MSN: variants seen among roughly 807,000 people sequenced by gnomAD.
MSN encodes moesin, also known as epididymis luminal protein 70.
A neutral mutation model predicts 48.0 loss-of-function variants in MSN; 2 were observed. The observed-to-expected ratio is 0.04, with a 90% confidence interval of 0.02 to 0.13. MSN has a LOEUF of 0.13. MSN is among the 10% of genes least tolerant of loss of function. The probability of loss-of-function intolerance (pLI) is 1.00; values close to 1 mark genes in which losing one functional copy is unlikely to be tolerated. For missense variants in MSN, 267 were observed against 470.1 expected, an observed-to-expected ratio of 0.57 and a Z score of 3.99; for synonymous variants, 146 against 166.9, an observed-to-expected ratio of 0.87 and a Z score of 0.97.
chrX:65,600,197 CT>C (rs2070222979), intron 1 of MSN, among the ~76,000 whole-genome samples: 1 of 111,269 alleles, frequency 9.0e-6, no homozygotes, highest in African/African-American at 3.3e-5. Context: ...AGGTAGCTGT[CT>C]TTTCCTAGCT....
chrX:65,725,104 C>T (rs2071555526), intron 2 of MSN, among the ~76,000 whole-genome samples: 1 of 112,510 alleles, frequency 8.9e-6, no homozygotes, highest in African/African-American at 3.2e-5. Flanking sequence ...AGCACCTGCT[C>T]AGCCTCTGGT....
At chrX:65,624,478 A>T (rs2070484772) in intron 1 of MSN, among the ~76,000 whole-genome samples, 1 of 109,487 alleles carries the variant, frequency 9.1e-6, no homozygotes, top group Non-Finnish European at 1.9e-5. Context: ...GGTTTCATTC[A>T]TTCTTTCTAC....
At chrX:65,738,476 C>T in intron 10 of MSN, 49 bp from the exon 11 acceptor site, 10 of 1,126,785 alleles carry the variant, frequency 8.9e-6, no homozygotes, top group Non-Finnish European at 1.2e-5. Context: ...ACACCTGGGT[C>T]CTGAGGACCA....
At chrX:65,617,311 AT>A (rs972531248) in intron 1 of MSN, among the ~76,000 whole-genome samples, 1 of 111,101 alleles carries the variant, frequency 9.0e-6, no homozygotes, top group African/African-American at 3.3e-5. Context: ...CTCTGGTAGA[AT>A]TCGCCTGTGA....
intron 1 of MSN, among the ~76,000 whole-genome samples, chrX:65,630,955 G>C (rs1371908176): frequency 9.0e-6 from 1 of 111,261 alleles, no homozygotes; most frequent in Non-Finnish European, 1.9e-5. Context: ...ATAAAATCTT[G>C]CATAACTATT....
At chrX:65,699,478 G>C (rs1045822820) in intron 1 of MSN, among the ~76,000 whole-genome samples, 3 of 112,052 alleles carry the variant, frequency 2.7e-5, no homozygotes, top group African/African-American at 9.7e-5. Context: ...AGCCAGGAGC[G>C]GTGGCTCACG....
At chrX:65,659,366 C>T (rs111274011) in intron 1 of MSN, among the ~76,000 whole-genome samples, 18,763 of 110,743 alleles carry the variant, frequency 0.17, 3,969 homozygotes, top group African/African-American at 0.59. Context: ...TTTGGCCAGG[C>T]TGGTCTCAAA....
rs182319207 is a variant in MSN, at chrX:65,644,720, A to T, written c.-22+56108A>T. On this transcript the variant is annotated intron_variant, in intron 1 of 3. Coordinates refer to the MSN transcript ENST00000609672. ...GTTCTCCTGGTAAGTGGGGGAAGCCATTAGGGGAATGACATTCTAGGCAGT... is the reference window on the plus strand; with the variant it reads ...GTTCTCCTGGTAAGTGGGGGAAGCCTTTAGGGGAATGACATTCTAGGCAGT... Among the ~76,000 whole-genome samples the T allele has an allele frequency of 2.4e-3, 265 of 111,457 alleles. 1 individual carries two copies. The highest frequency in any genetic ancestry group is 8.1e-3 in the African/African-American group (247 of 30,662).
intron 1 of MSN, among the ~76,000 whole-genome samples, chrX:65,633,574 C>G (rs2070575547): frequency 8.9e-6 from 1 of 111,819 alleles, no homozygotes; most frequent in South Asian, 3.8e-4. Context: ...CTGCTCTCTC[C>G]TTTGTCCCTG....
At chrX:65,681,529 C>T (rs2071054998) in intron 1 of MSN, among the ~76,000 whole-genome samples, 1 of 111,867 alleles carries the variant, frequency 8.9e-6, no homozygotes, top group Non-Finnish European at 1.9e-5. Flanking sequence ...GAAAATACAC[C>T]TTGGAGAAGG....
intron 7 of MSN, among the ~76,000 whole-genome samples, chrX:65,734,819 G>C (rs1315829681): frequency 3.6e-5 from 4 of 111,604 alleles, no homozygotes; most frequent in African/African-American, 9.8e-5. Flanking sequence ...GCTTTTAGGA[G>C]ATTGTAGAAA....
At chrX:65,739,371 C>T (rs1482788632) in intron 12 of MSN, among the ~76,000 whole-genome samples, 177 bp downstream of exon 12, 7 of 111,527 alleles carry the variant, frequency 6.3e-5, no homozygotes, top group Non-Finnish European at 1.9e-5. Flanking sequence ...TTAATCAGAC[C>T]TTGGGCTATC....
At chrX:65,707,094 G>A (rs987157587) in intron 1 of MSN, among the ~76,000 whole-genome samples, 4 of 111,498 alleles carry the variant, frequency 3.6e-5, no homozygotes, top group Non-Finnish European at 7.5e-5. Flanking sequence ...GGCAAAGAGA[G>A]GGTTGCTTAT....
At chrX:65,612,131 G>T (rs2070325221) in intron 1 of MSN, among the ~76,000 whole-genome samples, 1 of 111,704 alleles carries the variant, frequency 9.0e-6, no homozygotes, top group South Asian at 3.7e-4. Context: ...GAGGTGGGAG[G>T]TGGGACCTAA....
At chrX:65,677,119 C>T (rs1358040395) in intron 1 of MSN, among the ~76,000 whole-genome samples, 1 of 111,861 alleles carries the variant, frequency 8.9e-6, no homozygotes, top group Admixed American at 9.5e-5. Context: ...TGAGGCACTG[C>T]GCCTGGCTGA....
intron 1 of MSN, among the ~76,000 whole-genome samples, chrX:65,681,105 G>A (rs2071050576): frequency 9.1e-6 from 1 of 110,349 alleles, no homozygotes; most frequent in African/African-American, 3.3e-5. Flanking sequence ...TTCTGCTTTA[G>A]CCTATGTTCT....
intron 1 of MSN, among the ~76,000 whole-genome samples, chrX:65,670,237 G>A (rs1195011287): frequency 8.9e-6 from 1 of 111,830 alleles, no homozygotes; most frequent in African/African-American, 3.3e-5. Flanking sequence ...ATTAAAAGGG[G>A]AAAAAATTTC....
intron 1 of MSN, among the ~76,000 whole-genome samples, chrX:65,620,048 G>A (rs989749051): frequency 8.9e-6 from 1 of 112,119 alleles, no homozygotes; most frequent in Non-Finnish European, 1.9e-5. Context: ...ACCCACGTGA[G>A]GAGGCAATCT....
intron 1 of MSN, among the ~76,000 whole-genome samples, chrX:65,632,081 C>A (rs1188974225): frequency 1.8e-5 from 2 of 112,045 alleles, no homozygotes; most frequent in Non-Finnish European, 3.8e-5. Flanking sequence ...CCTAAATATG[C>A]AGTTACTGAG....
Sources: allele counts gnomAD v4.1 joint callset (sites outside exome capture counted in the v4.1 genomes callset), GRCh38; gene constraint gnomAD v4.1.1; transcripts MANE v1.5; gene names NCBI Gene and HGNC (gene_info 2026-07-23, HGNC 2026-07-21).